SLC9A8: variants seen among roughly 807,000 people sequenced by gnomAD.
The protein encoded by SLC9A8 is solute carrier family 9 member A8, also known as sodium/hydrogen exchanger 8.
In SLC9A8, 48 loss-of-function variants were observed where a neutral mutation model predicts 66.6. The observed-to-expected ratio is 0.72, with a 90% CI of 0.57 to 0.92. The LOEUF is 0.92. Ranked by LOEUF, SLC9A8 falls within the 40% of genes least tolerant of loss-of-function variation. The pLI is 0.00. For missense variants in SLC9A8, 599 were observed against 747.3 expected, an observed-to-expected ratio of 0.80 and a Z score of 2.31; for synonymous variants, 274 against 282.6, an observed-to-expected ratio of 0.97 and a Z score of 0.31.
chr20:49,838,845 G>A (rs944922877), intron 3 of SLC9A8, among the ~76,000 whole-genome samples: 5 of 152,132 alleles, frequency 3.3e-5, no homozygotes, highest in Admixed American at 2.0e-4. Flanking sequence ...CTACTTGGGC[G>A]TCTTTATTTT....
chr20:49,859,173 G>A (rs1197659995), intron 8 of SLC9A8, among the ~76,000 whole-genome samples: 1 of 152,188 alleles, frequency 6.6e-6, no homozygotes, highest in Non-Finnish European at 1.5e-5. Context: ...AAGCTGGCTT[G>A]AGAATCAGCC....
chr20:49,870,894 C>CT (rs2146706464), intron 10 of SLC9A8, among the ~76,000 whole-genome samples: 1 of 152,198 alleles, frequency 6.6e-6, no homozygotes, highest in Non-Finnish European at 1.5e-5. Context: ...TAGAGCCAGT[C>CT]TCACTCTGTT....
At chr20:49,819,700 C>T (rs1469315749) in intron 2 of SLC9A8, among the ~76,000 whole-genome samples, 1 of 152,160 alleles carries the variant, frequency 6.6e-6, no homozygotes, top group East Asian at 1.9e-4. Context: ...AGTCATTCCC[C>T]ATCCCTCCCT....
In SLC9A8 at chr20:49,880,885, G is replaced by A. The variant is rs775972068; in HGVS notation, c.1159-39G>A. On this transcript the variant is annotated intron_variant, in intron 12 of 15. Transcript: ENST00000361573. ...CAAGAAGCTTCAGCTTGAAGAGCCA[G>A]ATGTTTTCACCTAAGACTTAGTTTG... 14 of 1,372,548 alleles carry A rather than the reference G, an allele frequency of 1.0e-5. No homozygotes were observed. The Admixed American group carries it at 2.2e-4, about 21-fold the overall frequency. 85.0% of individuals were successfully genotyped at this position (1,372,548 alleles called of 1,614,324 possible). A position where few individuals can be genotyped will look rare whatever the true frequency, so the allele number is the denominator to read the frequency against.
At chr20:49,862,172 A>G (rs1397053404) in intron 8 of SLC9A8, among the ~76,000 whole-genome samples, 1 of 148,354 alleles carries the variant, frequency 6.7e-6, no homozygotes, top group African/African-American at 2.5e-5. Flanking sequence ...CTTCCTTTGC[A>G]CATGCTGTTC....
chr20:49,847,730 C>T (rs954915500), intron 5 of SLC9A8, among the ~76,000 whole-genome samples: 3 of 152,188 alleles, frequency 2.0e-5, no homozygotes, highest in Admixed American at 6.5e-5. Context: ...ACACAAATCA[C>T]AGGATGTTAA....
chr20:49,822,912 A>G (rs1015705356), intron 2 of SLC9A8, 149 bp from the exon 3 acceptor site: 55 of 646,366 alleles, frequency 8.5e-5, no homozygotes, highest in Non-Finnish European at 1.4e-4. Flanking sequence ...GAAATGAGAC[A>G]CGAAAAACAC....
At chr20:49,846,572 CATTT>C (rs1198809985) in intron 5 of SLC9A8, among the ~76,000 whole-genome samples, 1 of 151,724 alleles carries the variant, frequency 6.6e-6, no homozygotes. Context: ...ATAAAAATGT[CATTT>C]ATTATTAATA....
In SLC9A8 at chr20:49,850,864, A is replaced by T. The variant is rs1390766469; in HGVS notation, c.569+20A>T. ...AGACAGGTAAATCCTTCATACTGTA[A>T]CACCCATGCGACTGCTTTTCAGACA... On this transcript the variant is annotated intron_variant, in intron 7 of 15. Transcript: ENST00000361573. 1 of 1,576,648 alleles carries T rather than the reference A, an allele frequency of 6.3e-7. No individual in the cohort carries two copies. Among genetic ancestry groups the T allele is most frequent in the East Asian group, 2.2e-5 (1 of 44,680 alleles).
At chr20:49,825,098 G>A (rs532648340) in intron 3 of SLC9A8, among the ~76,000 whole-genome samples, 1 of 152,212 alleles carries the variant, frequency 6.6e-6, no homozygotes, top group South Asian at 2.1e-4. Flanking sequence ...GGGACAGATG[G>A]GAATCCCAGA....
At chr20:49,814,809 C>G (rs1449410596) in intron 1 of SLC9A8, among the ~76,000 whole-genome samples, 199 bp from the exon 2 acceptor site, 12 of 152,066 alleles carry the variant, frequency 7.9e-5, no homozygotes, top group Non-Finnish European at 1.8e-4. Flanking sequence ...TGGCTGTATT[C>G]AAAAGCACCA....
chr20:49,848,029 G>A (rs139807284), intron 5 of SLC9A8, among the ~76,000 whole-genome samples: 18 of 150,330 alleles, frequency 1.2e-4, no homozygotes, highest in Middle Eastern at 3.5e-3. Flanking sequence ...GGGTTCAAGC[G>A]ATTCTCCTGC....
chr20:49,851,566 C>T (rs1279136986), intron 7 of SLC9A8, among the ~76,000 whole-genome samples: 1 of 152,162 alleles, frequency 6.6e-6, no homozygotes, highest in Non-Finnish European at 1.5e-5. Context: ...GTCACATGTT[C>T]GTCCCCAGAT....
intron 10 of SLC9A8, among the ~76,000 whole-genome samples, chr20:49,871,453 A>G (rs1045572323): frequency 6.6e-6 from 1 of 152,182 alleles, no homozygotes; most frequent in Non-Finnish European, 1.5e-5. Context: ...ATTTTGCCTA[A>G]TTCTTAAAGG....
chr20:49,820,324 C>T (rs1374232110), intron 2 of SLC9A8, among the ~76,000 whole-genome samples: 2 of 151,396 alleles, frequency 1.3e-5, no homozygotes, highest in Non-Finnish European at 2.9e-5. Context: ...CCTGTCTCTC[C>T]TAAAAATACA....
At chr20:49,851,832 G>C (rs917911876) in intron 7 of SLC9A8, among the ~76,000 whole-genome samples, 8 of 152,178 alleles carry the variant, frequency 5.3e-5, no homozygotes, top group Non-Finnish European at 8.8e-5. Context: ...TGTTTGGTAG[G>C]TATTTTGCAA....
intron 10 of SLC9A8, among the ~76,000 whole-genome samples, chr20:49,873,524 G>A (rs1021588847): frequency 6.9e-6 from 1 of 145,342 alleles, no homozygotes; most frequent in Non-Finnish European, 1.5e-5. Flanking sequence ...GTTGGCTTAC[G>A]CCTGTAATCC....
chr20:49,868,561 A>G (rs1173724623), intron 10 of SLC9A8, among the ~76,000 whole-genome samples: 1 of 152,206 alleles, frequency 6.6e-6, no homozygotes, highest in African/African-American at 2.4e-5. Context: ...GGAGCAGGAC[A>G]TTCTCTTCCT....
In SLC9A8 at chr20:49,874,255, T is replaced by TC. The variant is rs375029945; in HGVS notation, c.959-441dup. Among the ~76,000 whole-genome samples, 362 of 150,568 alleles carry TC rather than the reference T, an allele frequency of 2.4e-3. 1 individual carries two copies. The highest frequency in any genetic ancestry group is 3.6e-3 in the Admixed American group (54 of 15,124). ...CCTGGGTGACAAGAGCAAAACTCTG[T>TC]CCCCCCCCCAAAAAAAAGGGTGGGG... On this transcript the variant is annotated intron_variant, in intron 10 of 15. Transcript: ENST00000361573.
Sources: gnomAD v4.1 joint callset for allele counts (sites outside exome capture counted in the v4.1 genomes callset) on GRCh38, gnomAD v4.1.1 for gene constraint, MANE v1.5 for transcripts, NCBI Gene and HGNC (gene_info 2026-07-23, HGNC 2026-07-21) for gene names.